Variants in TAFA4 observed in about 807,000 individuals in gnomAD.
TAFA4 encodes TAFA chemokine like family member 4, also known as chemokine-like protein TAFA-4.
TAFA4 carries 20 observed loss-of-function variants against 21.1 expected under a neutral mutation model. The ratio of observed to expected loss-of-function variants is 0.95; its 90% confidence interval spans 0.67 to 1.38. TAFA4 has a LOEUF of 1.38. TAFA4 is among the 40% of genes most tolerant of loss of function. The pLI is 0.00. For synonymous variants in TAFA4, 71 were observed against 67.4 expected, an observed-to-expected ratio of 1.05 and a Z score of -0.26; for missense variants, 211 against 180.9, an observed-to-expected ratio of 1.17 and a Z score of -0.95.
chr3:68,740,667 A>G (rs376754228), intron 4 of TAFA4, among the ~76,000 whole-genome samples: 5 of 152,128 alleles, frequency 3.3e-5, no homozygotes, highest in African/African-American at 9.6e-5. Context: ...TGTAGTCCCA[A>G]TTGTTTATTT....
intron 5 of TAFA4, among the ~76,000 whole-genome samples, chr3:68,736,889 A>C (rs1472377637): frequency 6.6e-6 from 1 of 152,152 alleles, no homozygotes; most frequent in Non-Finnish European, 1.5e-5. Context: ...AAAGCAGCCC[A>C]AGTATCATGA....
intron 5 of TAFA4, among the ~76,000 whole-genome samples, chr3:68,736,599 C>T (rs1207963297): frequency 1.3e-5 from 2 of 152,064 alleles, no homozygotes; most frequent in Non-Finnish European, 2.9e-5. Context: ...AAAATGGAAA[C>T]TATTATTGTT....
intron 1 of TAFA4, among the ~76,000 whole-genome samples, chr3:68,909,349 A>C (rs2089933615): frequency 6.6e-6 from 1 of 152,204 alleles, no homozygotes; most frequent in Non-Finnish European, 1.5e-5. Flanking sequence ...ACAGCTTAAC[A>C]GTTACAACAA....
At chr3:68,881,957 A>G (rs1409780581) in intron 2 of TAFA4, among the ~76,000 whole-genome samples, 1 of 152,198 alleles carries the variant, frequency 6.6e-6, no homozygotes, top group Non-Finnish European at 1.5e-5. Flanking sequence ...ACGCCGAGGC[A>G]CACACATGTT....
chr3:68,925,902 A>G (rs1355336185), intron 1 of TAFA4, among the ~76,000 whole-genome samples: 1 of 152,160 alleles, frequency 6.6e-6, no homozygotes, highest in Non-Finnish European at 1.5e-5. Context: ...AAAGCAGGAC[A>G]CAGATCATAT....
chr3:68,779,734 T>C (rs926426452), intron 3 of TAFA4, among the ~76,000 whole-genome samples: 1 of 152,346 alleles, frequency 6.6e-6, no homozygotes, highest in Non-Finnish European at 1.5e-5. Flanking sequence ...AGGCAGAAGT[T>C]TGCTGCAGGG....
chr3:68,796,433 T>C (rs550600686), intron 3 of TAFA4, among the ~76,000 whole-genome samples: 4 of 152,168 alleles, frequency 2.6e-5, no homozygotes, highest in Admixed American at 2.0e-4. Context: ...ACTGGAATTA[T>C]ACATTCCAAA....
intron 2 of TAFA4, among the ~76,000 whole-genome samples, chr3:68,882,126 G>C (rs2089625807): frequency 2.0e-5 from 3 of 152,214 alleles, no homozygotes; most frequent in South Asian, 4.1e-4. Flanking sequence ...AAAAGCACTG[G>C]CTTCTTTTTG....
intron 3 of TAFA4, among the ~76,000 whole-genome samples, chr3:68,787,336 G>A (rs571205065): frequency 6.6e-6 from 1 of 152,262 alleles, no homozygotes; most frequent in East Asian, 1.9e-4. Flanking sequence ...CCATTAGGCT[G>A]AGAAGAAGAA....
At chr3:68,826,078 A>G (rs1434325618) in intron 3 of TAFA4, among the ~76,000 whole-genome samples, 1 of 152,208 alleles carries the variant, frequency 6.6e-6, no homozygotes, top group Non-Finnish European at 1.5e-5. Context: ...TAAGCATTAA[A>G]TAAAAATTAA....
intron 3 of TAFA4, among the ~76,000 whole-genome samples, chr3:68,843,940 C>A (rs529216326): frequency 6.6e-6 from 1 of 152,254 alleles, no homozygotes; most frequent in East Asian, 1.9e-4. Context: ...TGAGGATTTT[C>A]GCATCGGTGT....
At chr3:68,900,631 T>A (rs1283303809) in intron 1 of TAFA4, among the ~76,000 whole-genome samples, 1 of 152,162 alleles carries the variant, frequency 6.6e-6, no homozygotes, top group African/African-American at 2.4e-5. Context: ...GAGAATTCCC[T>A]ATCAAACTGG....
At chr3:68,928,937 A>G (rs998055851) in intron 1 of TAFA4, among the ~76,000 whole-genome samples, 5 of 152,060 alleles carry the variant, frequency 3.3e-5, no homozygotes, top group African/African-American at 1.2e-4. Context: ...TTCTAGATTT[A>G]AAATTCTTTG....
At chr3:68,810,773 A>C (rs1370193659) in intron 3 of TAFA4, among the ~76,000 whole-genome samples, 1 of 152,240 alleles carries the variant, frequency 6.6e-6, no homozygotes, top group East Asian at 1.9e-4. Context: ...AAAAGGCAGC[A>C]GAAAACTCTG....
intron 3 of TAFA4, among the ~76,000 whole-genome samples, chr3:68,832,076 T>C (rs1704410170): frequency 6.6e-6 from 1 of 152,138 alleles, no homozygotes; most frequent in African/African-American, 2.4e-5. Flanking sequence ...GTTAGCCATT[T>C]GTCTAACCTT....
chr3:68,771,936 C>G (rs1200116972), intron 3 of TAFA4, among the ~76,000 whole-genome samples: 1 of 152,086 alleles, frequency 6.6e-6, no homozygotes, highest in Non-Finnish European at 1.5e-5. Flanking sequence ...AAAAACAAAT[C>G]CAAATGCTTG....
chr3:68,786,230 C>A (rs1054288014), intron 3 of TAFA4, among the ~76,000 whole-genome samples: 3 of 152,110 alleles, frequency 2.0e-5, no homozygotes, highest in African/African-American at 4.8e-5. Context: ...AACAAACCTG[C>A]ACATCCTGCA....
intron 3 of TAFA4, among the ~76,000 whole-genome samples, chr3:68,841,622 C>T (rs1704667823): frequency 2.0e-5 from 3 of 152,082 alleles, no homozygotes; most frequent in African/African-American, 2.4e-5. Flanking sequence ...TAGGTTTACA[C>T]GTGCCATGGT....
At chr3:68,739,728 T>C (rs780079584) in intron 4 of TAFA4, among the ~76,000 whole-genome samples, 1 of 152,192 alleles carries the variant, frequency 6.6e-6, no homozygotes, top group Non-Finnish European at 1.5e-5. Context: ...TACAGCACCA[T>C]GGATGGAACT....
Sources: gnomAD v4.1 joint callset for allele counts (sites outside exome capture counted in the v4.1 genomes callset) on GRCh38, gnomAD v4.1.1 for gene constraint, MANE v1.5 for transcripts, NCBI Gene and HGNC (gene_info 2026-07-23, HGNC 2026-07-21) for gene names.